ZDHHC11: variants seen among roughly 807,000 people sequenced by gnomAD.
The protein encoded by ZDHHC11 is palmitoyltransferase ZDHHC11.
ZDHHC11 carries 44 observed loss-of-function variants against 51.3 expected under a neutral mutation model. That is an observed-to-expected ratio of 0.86 (90% CI 0.67 to 1.10). ZDHHC11 has a LOEUF of 1.10. Ranked by LOEUF, ZDHHC11 falls within the 50% of genes least tolerant of loss-of-function variation. ZDHHC11 has a pLI of 0.00. For missense variants in ZDHHC11, 400 were observed against 537.7 expected, an observed-to-expected ratio of 0.74 and a Z score of 2.53; for synonymous variants, 163 against 222.0, an observed-to-expected ratio of 0.73 and a Z score of 2.36.
chr5:854,525 G>A (rs1396862336), upstream of ZDHHC11, among the ~76,000 whole-genome samples: 2 of 149,012 alleles, frequency 1.3e-5, no homozygotes, highest in African/African-American at 2.5e-5. Context: ...AGACACCATG[G>A]AGGACAGCGA....
Position 796,274 on chromosome 5 carries a change from C to T in ZDHHC11, c.*314G>A, listed in dbSNP as rs1333989558. ...TGCAGCTGGCTGGCTGGCTGGACAGCACAGTTAAGCAGGTGGCTGCATCCT... is the reference window on the plus strand; with the variant it reads ...TGCAGCTGGCTGGCTGGCTGGACAGTACAGTTAAGCAGGTGGCTGCATCCT... On this transcript the variant is annotated 3_prime_UTR_variant, in exon 13 of 13. Transcript: ENST00000283441. The T allele has an allele frequency of 6.5e-6, 1 of 154,462 alleles. No homozygotes were observed. The highest frequency in any genetic ancestry group is 1.5e-5 in the Non-Finnish European group (1 of 68,084). 9.6% of individuals were successfully genotyped at this position (154,462 alleles called of 1,614,324 possible).
intron 11 of ZDHHC11, among the ~76,000 whole-genome samples, chr5:812,767 C>T (rs1740261866): frequency 6.6e-6 from 1 of 151,396 alleles, no homozygotes; most frequent in African/African-American, 2.4e-5. Flanking sequence ...AAAACCTAAA[C>T]TTGGTCATAA....
intron 11 of ZDHHC11, among the ~76,000 whole-genome samples, chr5:803,085 C>CT (rs1180555788): frequency 1.3e-5 from 2 of 151,014 alleles, no homozygotes; most frequent in Non-Finnish European, 3.0e-5. Flanking sequence ...CATGAGCCAG[C>CT]TACCGCCTCG....
intron 7 of ZDHHC11, among the ~76,000 whole-genome samples, chr5:828,939 T>A (rs1742704138): frequency 7.7e-6 from 1 of 130,320 alleles, no homozygotes; most frequent in African/African-American, 2.9e-5. Flanking sequence ...AATTTAAAAG[T>A]TCTTCAAACT....
At position 847,334 on chromosome 5, in the gene ZDHHC11, G is replaced by A. The variant is rs1214438578; in HGVS notation, c.503+180C>T. On this transcript the variant is annotated intron_variant, in intron 3 of 12. Coordinates refer to ENST00000283441, the MANE Select transcript of ZDHHC11 (RefSeq NM_024786.3). ...CTTGTCCAGGGACGGCTGCACCACA[G>A]CCCCAGAGCCAGACAGGAGGCCGGG... 2.6e-5 allele frequency among the ~76,000 whole-genome samples: 4 copies of A among 151,860 alleles called. No individual in the cohort carries two copies. In the South Asian group the frequency reaches 6.2e-4, roughly 24 times the overall value.
chr5:840,418 C>T, intron 5 of ZDHHC11, 77 bp downstream of exon 5: 2 of 1,606,098 alleles, frequency 1.2e-6, no homozygotes, highest in Admixed American at 3.3e-5. Flanking sequence ...TAGGGACATA[C>T]TCAAGTAGAG....
At chr5:844,705 A>C (rs1745833845) in intron 3 of ZDHHC11, among the ~76,000 whole-genome samples, 1 of 152,304 alleles carries the variant, frequency 6.6e-6, no homozygotes, top group African/African-American at 2.4e-5. Flanking sequence ...CGGGCTGAGG[A>C]GGCCCTGGAG....
At chr5:814,424 G>A (rs1271893255) in intron 11 of ZDHHC11, among the ~76,000 whole-genome samples, 2 of 151,220 alleles carry the variant, frequency 1.3e-5, no homozygotes, top group African/African-American at 4.9e-5. Flanking sequence ...GAGTTGAAAT[G>A]ACAAGATCTG....
rs918453397 is a variant in ZDHHC11, at chr5:821,785, A to G, written c.1058+76T>C. On this transcript the variant is annotated intron_variant, in intron 9 of 12. Transcript: ENST00000283441. ...CATTAAATGGATGACATATTTTCCT[A>G]AGTAATTCGAGATGAGACGAGTGTA... 8.7e-6 allele frequency: 12 copies of G among 1,385,038 alleles called. No individual in the cohort carries two copies. The Admixed American group carries it at 1.5e-4, about 17-fold the overall frequency. 85.8% of individuals were successfully genotyped at this position (1,385,038 alleles called of 1,614,324 possible).
intron 1 of ZDHHC11, among the ~76,000 whole-genome samples, chr5:849,357 G>C (rs574242265): frequency 6.6e-6 from 1 of 152,272 alleles, no homozygotes; most frequent in African/African-American, 2.4e-5. Flanking sequence ...AGGGCCACAG[G>C]AGGGACATCC....
At chr5:807,728 G>A (rs1387882160) in intron 11 of ZDHHC11, among the ~76,000 whole-genome samples, 5 of 152,096 alleles carry the variant, frequency 3.3e-5, no homozygotes, top group Admixed American at 1.3e-4. Flanking sequence ...GAGGAATAGC[G>A]GCTCAGAGTG....
intron 7 of ZDHHC11, among the ~76,000 whole-genome samples, chr5:831,386 C>G (rs1743060412): frequency 6.7e-6 from 1 of 149,410 alleles, no homozygotes; most frequent in African/African-American, 2.5e-5. Flanking sequence ...GAGTTCAAGA[C>G]CAGCCTGGCT....
chr5:847,084 C>T (rs1579794485), intron 3 of ZDHHC11, among the ~76,000 whole-genome samples: 1 of 142,716 alleles, frequency 7.0e-6, no homozygotes, highest in South Asian at 2.1e-4. Context: ...CTCAGGGAAA[C>T]ACCTCTCATC....
At chr5:837,746 C>T (rs28556299) in intron 5 of ZDHHC11, among the ~76,000 whole-genome samples, 2 of 151,874 alleles carry the variant, frequency 1.3e-5, no homozygotes, top group East Asian at 1.9e-4. Context: ...CCGCCTGCCA[C>T]GGCCTCATTG....
At chr5:833,628 A>G (rs1743354662) in intron 7 of ZDHHC11, 145 bp downstream of exon 7, 2 of 567,098 alleles carry the variant, frequency 3.5e-6, no homozygotes, top group East Asian at 5.7e-5. Context: ...ACATTAAACA[A>G]AACTATTTTA....
At chr5:852,190 A>G (rs1268751390), upstream of ZDHHC11, among the ~76,000 whole-genome samples, 1 of 152,248 alleles carries the variant, frequency 6.6e-6, no homozygotes, top group African/African-American at 2.4e-5. Flanking sequence ...CAACAAACAG[A>G]AATGATGTCG....
At chr5:821,801 G>A (rs1579628552) in intron 9 of ZDHHC11, 60 bp downstream of exon 9, 1 of 1,454,090 alleles carries the variant, frequency 6.9e-7, no homozygotes, top group East Asian at 2.3e-5. Flanking sequence ...TTCGAGATGA[G>A]ACGAGTGTAT....
chr5:824,479 C>T (rs1742016066), intron 8 of ZDHHC11, among the ~76,000 whole-genome samples: 1 of 151,134 alleles, frequency 6.6e-6, no homozygotes, highest in Non-Finnish European at 1.5e-5. Flanking sequence ...AAATAATGAC[C>T]CAGCAGAAAC....
At chr5:834,397 A>G (rs1399967757) in intron 6 of ZDHHC11, among the ~76,000 whole-genome samples, 1 of 152,186 alleles carries the variant, frequency 6.6e-6, no homozygotes, top group Non-Finnish European at 1.5e-5. Context: ...CTGGTCTTGA[A>G]CTCCTGGCCT....
Sources: gnomAD v4.1 joint callset for allele counts (sites outside exome capture counted in the v4.1 genomes callset) on GRCh38, gnomAD v4.1.1 for gene constraint, MANE v1.5 for transcripts, NCBI Gene and HGNC (gene_info 2026-07-23, HGNC 2026-07-21) for gene names.